CCL28: variants seen among roughly 807,000 people sequenced by gnomAD.
The protein encoded by CCL28 is C-C motif chemokine 28.
Under a neutral mutation model 7.1 loss-of-function variants are expected in CCL28, and 4 were observed. That is an observed-to-expected ratio of 0.56 (90% CI 0.28 to 1.29). The LOEUF is 1.29. Ranked by LOEUF, CCL28 falls within the 50% of genes most tolerant of loss-of-function variation. The probability of loss-of-function intolerance (pLI) is 0.11; values close to 1 mark genes in which losing one functional copy is unlikely to be tolerated. For missense variants in CCL28, 151 were observed against 163.4 expected (o/e 0.92, Z 0.41); for synonymous variants, 55 against 57.8 (o/e 0.95, Z 0.22).
chr5:43,388,291 C>T (rs942289398), intron 2 of CCL28, 59 bp downstream of exon 2: 17 of 1,591,424 alleles, frequency 1.1e-5, no homozygotes, highest in Middle Eastern at 1.7e-4. Flanking sequence ...ACCTATTATT[C>T]GTTGGGCAGG....
At chr5:43,367,090 GC>G in the CCL28 span, among the ~76,000 whole-genome samples, 1 of 152,226 alleles carries the variant, frequency 6.6e-6, no homozygotes, top group Non-Finnish European at 1.5e-5. Flanking sequence ...CTCCCACCAA[GC>G]TTGAGCACCC....
the CCL28 span, among the ~76,000 whole-genome samples, chr5:43,364,141 T>C: frequency 6.6e-6 from 1 of 152,148 alleles, no homozygotes; most frequent in Admixed American, 6.5e-5. Context: ...ACTAGCAAAG[T>C]AAAGGAATAA....
intron 2 of CCL28, among the ~76,000 whole-genome samples, chr5:43,386,659 A>G (rs1169416914): frequency 6.6e-6 from 1 of 152,244 alleles, no homozygotes; most frequent in Non-Finnish European, 1.5e-5. Flanking sequence ...ACAGGTTCAT[A>G]CACAAAAATT....
chr5:43,406,919 A>T (rs915106352), intron 1 of CCL28, among the ~76,000 whole-genome samples: 1 of 152,212 alleles, frequency 6.6e-6, no homozygotes, highest in Admixed American at 6.5e-5. Context: ...AAATACCTTG[A>T]AATCCAACTT....
At chr5:43,392,381 T>C (rs1740610000) in intron 1 of CCL28, among the ~76,000 whole-genome samples, 1 of 152,132 alleles carries the variant, frequency 6.6e-6, no homozygotes, top group Non-Finnish European at 1.5e-5. Context: ...CCTTCCAAAG[T>C]GCTGAGATTA....
the CCL28 span, among the ~76,000 whole-genome samples, chr5:43,363,413 G>C: frequency 6.6e-6 from 1 of 152,100 alleles, no homozygotes; most frequent in African/African-American, 2.4e-5. Context: ...ATCCTTACTG[G>C]ACCAGACACA....
the CCL28 span, among the ~76,000 whole-genome samples, chr5:43,365,419 C>G: frequency 1.3e-5 from 2 of 152,172 alleles, no homozygotes. Context: ...ATGATGCTAG[C>G]TAGTTATTTT....
chr5:43,390,685 G>A (rs1428273267), intron 1 of CCL28, among the ~76,000 whole-genome samples: 1 of 152,174 alleles, frequency 6.6e-6, no homozygotes, highest in African/African-American at 2.4e-5. Context: ...TGGGAGTAAG[G>A]GTTCTGATTA....
chr5:43,362,342 T>C, the CCL28 span, among the ~76,000 whole-genome samples: 1 of 152,176 alleles, frequency 6.6e-6, no homozygotes, highest in Non-Finnish European at 1.5e-5. Flanking sequence ...TGGTTTTGTG[T>C]CCTGAAACTG....
At position 43,399,740 on chromosome 5, in the gene CCL28, G is replaced by A. The variant is rs1210596424; in HGVS notation, c.65-11264C>T. 2.0e-5 allele frequency among the ~76,000 whole-genome samples: 3 copies of A among 152,232 alleles called. No individual in the cohort carries two copies. The East Asian group carries it at 5.8e-4, about 29-fold the overall frequency. On this transcript the variant is annotated intron_variant, in intron 1 of 2. Coordinates refer to ENST00000361115, the MANE Select transcript of CCL28 (RefSeq NM_148672.3). ...TCCCTGCACATTGAAGTAATAAGGG[G>A]TCAGTCAATATGATAAATCATTTGT...
At chr5:43,411,652 G>T (rs942494363) in intron 1 of CCL28, among the ~76,000 whole-genome samples, 5 of 152,098 alleles carry the variant, frequency 3.3e-5, no homozygotes, top group African/African-American at 1.2e-4. Flanking sequence ...CTGCAATCTT[G>T]AATTCCTGGC....
At chr5:43,394,286 C>T (rs182501496) in intron 1 of CCL28, among the ~76,000 whole-genome samples, 2 of 152,290 alleles carry the variant, frequency 1.3e-5, no homozygotes, top group East Asian at 3.9e-4. Flanking sequence ...ATTTATTCTT[C>T]AAAATTGTCT....
At chr5:43,408,470 C>T (rs1048612537) in intron 1 of CCL28, among the ~76,000 whole-genome samples, 6 of 152,132 alleles carry the variant, frequency 3.9e-5, no homozygotes, top group Admixed American at 1.3e-4. Flanking sequence ...TGGGGAACAT[C>T]ACACACCAGG....
chr5:43,381,890 G>A lies in CCL28; in HGVS notation c.354C>T (p.His118=), dbSNP rs371810665. 1.5e-5 allele frequency: 24 copies of A among 1,613,812 alleles called. No individual in the cohort carries two copies. The East Asian group carries it at 1.8e-4, about 12-fold the overall frequency. The change falls in exon 3 of 3, where the codon CAC becomes CAT. Residue 118 remains histidine, a synonymous_variant. Coordinates refer to ENST00000361115, the MANE Select transcript of CCL28 (RefSeq NM_148672.3). Reference sequence around the variant, plus strand: ...AAGGAGTTTTATGGCCGTATGTTTCGTGTTTCCCCTGATGTGCCCTGTTAC... The same window carrying A: ...AAGGAGTTTTATGGCCGTATGTTTCATGTTTCCCCTGATGTGCCCTGTTAC... The part of the protein sequence containing the change: ...RNSNRAHQGK[H]ETYGHKTPY
Position 43,379,328 on chromosome 5 carries a change from C to T in CCL28, c.*2532G>A, listed in dbSNP as rs897340683. Reference sequence around the variant, plus strand: ...TAACTTTTATTAATGTTGGTTATCACGGTTAATTAATTTAAAATTGTGGTT... The same window carrying T: ...TAACTTTTATTAATGTTGGTTATCATGGTTAATTAATTTAAAATTGTGGTT... On this transcript the variant is annotated 3_prime_UTR_variant, in exon 3 of 3. Coordinates refer to ENST00000361115, the MANE Select transcript of CCL28 (RefSeq NM_148672.3). 4 of 151,914 alleles carry T rather than the reference C, an allele frequency of 2.6e-5. No homozygotes were observed. The highest frequency in any genetic ancestry group is 1.9e-4 in the East Asian group (1 of 5,190). The allele number at this position is 151,914 out of a possible 1,614,324, so 9.4% of individuals were successfully genotyped here.
At chr5:43,362,498 G>T in the CCL28 span, among the ~76,000 whole-genome samples, 3 of 151,970 alleles carry the variant, frequency 2.0e-5, no homozygotes, top group East Asian at 5.8e-4. Flanking sequence ...TAGTTTTCAG[G>T]TATATATAGT....
chr5:43,398,950 T>A (rs533547277), intron 1 of CCL28, among the ~76,000 whole-genome samples: 20 of 152,218 alleles, frequency 1.3e-4, no homozygotes, highest in Non-Finnish European at 2.4e-4. Context: ...CCTAACCTAC[T>A]GCTCTTTTCT....
the CCL28 span, among the ~76,000 whole-genome samples, chr5:43,359,870 C>T: frequency 6.6e-6 from 1 of 151,972 alleles, no homozygotes; most frequent in African/African-American, 2.4e-5. Flanking sequence ...TCCCATGGCC[C>T]CCACCTAGAG....
chr5:43,391,002 G>T (rs1164195793), intron 1 of CCL28, among the ~76,000 whole-genome samples: 6 of 152,136 alleles, frequency 3.9e-5, no homozygotes, highest in Non-Finnish European at 1.5e-5. Flanking sequence ...TTTTGAGATT[G>T]TATCAACTTT....
Sources: gnomAD v4.1 joint callset for allele counts (sites outside exome capture counted in the v4.1 genomes callset) on GRCh38, gnomAD v4.1.1 for gene constraint, MANE v1.5 for transcripts, NCBI Gene and HGNC (gene_info 2026-07-23, HGNC 2026-07-21) for gene names.